Variants in SMARCA1 observed in about 807,000 individuals in gnomAD.
SMARCA1 encodes the protein SWI/SNF-related matrix-associated actin-dependent regulator of chromatin subfamily A member 1.
A neutral mutation model predicts 93.6 loss-of-function variants in SMARCA1; 17 were observed. The observed-to-expected ratio is 0.18, with a 90% CI of 0.12 to 0.27. The LOEUF (loss-of-function observed/expected upper bound fraction) is 0.27, where lower values mean the gene tolerates loss of function less well. Ranked by LOEUF, SMARCA1 falls within the 10% of genes least tolerant of loss-of-function variation. The probability of loss-of-function intolerance (pLI) is 1.00; values close to 1 mark genes in which losing one functional copy is unlikely to be tolerated. For synonymous variants in SMARCA1, 271 were observed against 271.4 expected (o/e 1.00, Z 0.01); for missense variants, 630 against 819.0 (o/e 0.77, Z 2.82).
At chrX:129,481,023 T>C (rs764496046) in intron 18 of SMARCA1, 52 bp downstream of exon 18, 1 of 783,280 alleles carries the variant, frequency 1.3e-6, no homozygotes, top group Non-Finnish European at 1.9e-6. Flanking sequence ...ATAGATCATG[T>C]TGCAACAGAA....
intron 19 of SMARCA1, among the ~76,000 whole-genome samples, chrX:129,475,621 C>T (rs1267838615): frequency 1.8e-5 from 2 of 112,407 alleles, no homozygotes; most frequent in Non-Finnish European, 3.8e-5. Context: ...TCATTATGAT[C>T]TCCAGCAACA....
chrX:129,483,963 A>T (rs1203874922), intron 17 of SMARCA1, among the ~76,000 whole-genome samples: 1 of 112,346 alleles, frequency 8.9e-6, no homozygotes, highest in African/African-American at 3.2e-5. Context: ...TAGAAAACAC[A>T]AAGAGGCAGA....
chrX:129,522,255 G>C (rs920207695), intron 1 of SMARCA1, among the ~76,000 whole-genome samples: 1 of 109,607 alleles, frequency 9.1e-6, no homozygotes, highest in African/African-American at 3.3e-5. Context: ...ATGTGTCAGA[G>C]CAGTTCCCTT....
At position 129,477,174 on chromosome X, in the gene SMARCA1, C is replaced by T. The variant is rs1454812468; in HGVS notation, c.2442+3527G>A. ...GCAGTCCAAGTGGCCACCATCTTCTCTCATTTTGATACTTCAACAGCCTCC... is the reference window on the plus strand; with the variant it reads ...GCAGTCCAAGTGGCCACCATCTTCTTTCATTTTGATACTTCAACAGCCTCC... On this transcript the variant is annotated intron_variant, in intron 19 of 24. Transcript: ENST00000371121. Among the ~76,000 whole-genome samples the T allele has an allele frequency of 6.3e-5, 7 of 111,685 alleles. No homozygotes were observed. The East Asian group carries it at 2.0e-3, about 31-fold the overall frequency.
chrX:129,491,641 A>T (rs774843935), intron 14 of SMARCA1, among the ~76,000 whole-genome samples: 2 of 111,772 alleles, frequency 1.8e-5, no homozygotes, highest in African/African-American at 6.5e-5. Context: ...ATTAAAACAA[A>T]TTTATGTGTC....
intron 12 of SMARCA1, among the ~76,000 whole-genome samples, chrX:129,493,529 A>G (rs1362016272): frequency 9.0e-6 from 1 of 111,392 alleles, no homozygotes; most frequent in Non-Finnish European, 1.9e-5. Flanking sequence ...CAGTCAGCAG[A>G]GCAGGTAAAG....
rs189700550 is a variant in SMARCA1, at chrX:129,508,990, A to G, written c.811-894T>C. 8.2e-5 allele frequency among the ~76,000 whole-genome samples: 9 copies of G among 109,967 alleles called. No homozygotes were observed. In the East Asian group the frequency reaches 2.6e-3, roughly 32 times the overall value. On this transcript the variant is annotated intron_variant, in intron 6 of 24. Transcript: ENST00000371121. The stretch of plus-strand genomic sequence containing the variant: ...ATCACGAGGTCAGGAGTTCAAGAAC[A>G]GCCTGGCCAACATGGTGAAACCCCA...
In SMARCA1 at chrX:129,516,410, G is replaced by C. The variant is rs745536186; in HGVS notation, c.349C>G (p.Pro117Ala). 3.9e-5 allele frequency: 47 copies of C among 1,206,017 alleles called. No individual in the cohort carries two copies. The highest frequency in any genetic ancestry group is 8.8e-5 in the Admixed American group (4 of 45,666). The change falls in exon 3 of 25, where the codon CCA (proline) becomes GCA (alanine). Residue 117 changes from proline to alanine, a missense_variant. By Grantham distance (27) the Pro-to-Ala change is conservative (BLOSUM62 -1). Transcript: ENST00000371121. The part of the protein sequence containing the change: ...HFIQPSAQKS[P>A]TSPLNMKLGR... ...AATTTCATGTTCAGTGGAGATGTTGGAGATTTCTGTGCTGAAGGCTGAATG... is the reference window on the plus strand; with the variant it reads ...AATTTCATGTTCAGTGGAGATGTTGCAGATTTCTGTGCTGAAGGCTGAATG...
chrX:129,512,211 A>C (rs984662779), intron 5 of SMARCA1, among the ~76,000 whole-genome samples: 2 of 112,300 alleles, frequency 1.8e-5, no homozygotes, highest in African/African-American at 6.5e-5. Context: ...AATAACTTGC[A>C]GTCAGAATGT....
At position 129,523,333 on chromosome X, in the gene SMARCA1, G is replaced by A; in HGVS notation, c.38C>T (p.Ala13Val). ...QDTAAVAATV[A>V]AADATATIVV... ...GATAGTGGCGGTCGCATCCGCGGCT[G>A]CCACGGTGGCTGCCACTGCGGCAGT... The change falls in exon 1 of 25, where the codon GCA (alanine) becomes GTA (valine). Residue 13 changes from alanine to valine, a missense_variant. Physicochemically the swap from Ala to Val is moderately conservative, Grantham distance 64. Around this residue, in one of 4 missense-constraint regions of SMARCA1, gnomAD observed 103 missense variants for 82.0 expected, o/e 1.26. Coordinates refer to ENST00000371121, the MANE Select transcript of SMARCA1 (RefSeq NM_001282874.2). 1 of 1,197,599 alleles carries A rather than the reference G, an allele frequency of 8.4e-7. No individual in the cohort carries two copies. Among genetic ancestry groups the A allele is most frequent in the Non-Finnish European group, 1.1e-6 (1 of 890,774 alleles).
chrX:129,449,254 A>C (rs1932163633), intron 23 of SMARCA1, among the ~76,000 whole-genome samples: 1 of 112,124 alleles, frequency 8.9e-6, no homozygotes, highest in Non-Finnish European at 1.9e-5. Flanking sequence ...GGAAGTACCC[A>C]GTTTACAAAA....
At chrX:129,509,101 C>T (rs1472638712) in intron 6 of SMARCA1, among the ~76,000 whole-genome samples, 4 of 109,153 alleles carry the variant, frequency 3.7e-5, no homozygotes, top group South Asian at 8.1e-4. Context: ...GCAGGAGAAT[C>T]GCTTGAACCC....
rs1933922465 is a variant in SMARCA1 at position 129,487,048 on chromosome X, A to T, written c.2187T>A (p.Phe729Leu). The T allele has an allele frequency of 8.5e-7, 1 of 1,171,730 alleles. No individual in the cohort carries two copies. Among genetic ancestry groups the T allele is most frequent in the African/African-American group, 1.8e-5 (1 of 56,010 alleles). ...RMDIEQSLYK[F>L]EGEDYREKQK... ...GTTTTTCTCTATAATCTTCTCCCTC[A>T]AATTTGTATAAACTTTGTTCAATGT... Residue 729 changes from phenylalanine (F) to leucine (L), a missense_variant, in exon 17 of 25, where the codon TTT becomes TTA. Phe to Leu is a conservative substitution (Grantham distance 22, BLOSUM62 0). Around this residue, in one of 4 missense-constraint regions of SMARCA1, gnomAD observed 382 missense variants for 537.9 expected, o/e 0.71. Coordinates refer to ENST00000371121, the MANE Select transcript of SMARCA1 (RefSeq NM_001282874.2).
intron 6 of SMARCA1, among the ~76,000 whole-genome samples, chrX:129,508,703 G>C (rs1569447902): frequency 1.8e-5 from 2 of 112,438 alleles, no homozygotes; most frequent in East Asian, 5.6e-4. Flanking sequence ...TCTAGTACAG[G>C]AGGCTATGGA....
At chrX:129,516,705 C>T (rs1935214612) in intron 2 of SMARCA1, among the ~76,000 whole-genome samples, 1 of 111,442 alleles carries the variant, frequency 9.0e-6, no homozygotes, top group South Asian at 3.8e-4. Flanking sequence ...TTTGCCCAAC[C>T]TTGCACAGCT....
chrX:129,497,441 A>G (rs1273662334), intron 11 of SMARCA1, among the ~76,000 whole-genome samples: 3 of 111,568 alleles, frequency 2.7e-5, no homozygotes, highest in Non-Finnish European at 5.6e-5. Flanking sequence ...CTCTACCCCA[A>G]GTACCATATG....
In SMARCA1 at chrX:129,515,919, A is replaced by G. The variant is rs1198429872; in HGVS notation, c.504T>C (p.Cys168=). ...LSESRKTSNV[C]IRFEVSPSYV... ...ATGAAGGTGACACCTCAAATCTAAT[A>G]CACACATTAGATGTTTTCCGACTCT... The change falls in exon 4 of 25, where the codon TGT becomes TGC. Residue 168 remains cysteine, a synonymous_variant. Coordinates refer to ENST00000371121, the MANE Select transcript of SMARCA1 (RefSeq NM_001282874.2). The G allele has an allele frequency of 8.4e-7, 1 of 1,196,661 alleles. No individual in the cohort carries two copies.
intron 23 of SMARCA1, among the ~76,000 whole-genome samples, chrX:129,450,181 G>T (rs1431662052): frequency 1.8e-5 from 2 of 111,930 alleles, no homozygotes; most frequent in Non-Finnish European, 3.8e-5. Flanking sequence ...GAGGTCCTAT[G>T]GATGGAGCCC....
chrX:129,478,971 C>T (rs1402200473), intron 19 of SMARCA1, among the ~76,000 whole-genome samples: 1 of 111,556 alleles, frequency 9.0e-6, no homozygotes, highest in Non-Finnish European at 1.9e-5. Context: ...CCATGGCAAC[C>T]CTGTTAGTTC....
Sources: allele counts gnomAD v4.1 joint callset (sites outside exome capture counted in the v4.1 genomes callset), GRCh38; gene constraint gnomAD v4.1.1; regional missense constraint gnomAD v4.1.1; transcripts MANE v1.5; gene names NCBI Gene and HGNC (gene_info 2026-07-23, HGNC 2026-07-21).